CACNA2D3: variants seen among roughly 807,000 people sequenced by gnomAD.
The protein encoded by CACNA2D3 is calcium voltage-gated channel auxiliary subunit alpha2delta 3.
CACNA2D3 carries 60 observed loss-of-function variants against 160.6 expected under a neutral mutation model. That is an observed-to-expected ratio of 0.37 (90% CI 0.30 to 0.46). The LOEUF is 0.46. Ranked by LOEUF, CACNA2D3 falls within the 20% of genes least tolerant of loss-of-function variation. CACNA2D3 has a pLI of 1.00. For missense variants in CACNA2D3, 1,205 were observed against 1,365.0 expected (o/e 0.88, Z 1.85); for synonymous variants, 558 against 492.9 (o/e 1.13, Z -1.75).
In CACNA2D3 at chr3:54,511,588, G is replaced by C. The variant is rs144617995; in HGVS notation, c.544+7934G>C. On this transcript the variant is annotated intron_variant, in intron 5 of 37. Transcript: ENST00000474759. The stretch of plus-strand genomic sequence containing the variant: ...AGTAATTACTTTCAGGATCTAATTT[G>C]TTTGTATTTTTAATCTCTTTTTTCA... Among the ~76,000 whole-genome samples the C allele has an allele frequency of 7.6e-3, 1,152 of 152,236 alleles. 11 individuals are homozygous for C. Among genetic ancestry groups the C allele is most frequent in the African/African-American group, 0.025 (1,047 of 41,540 alleles).
intron 11 of CACNA2D3, among the ~76,000 whole-genome samples, chr3:54,655,374 C>G (rs1253364811): frequency 6.6e-6 from 1 of 152,224 alleles, no homozygotes; most frequent in Admixed American, 6.5e-5. Context: ...GCTGGGCACA[C>G]AGCAGGCACA....
At chr3:54,823,420 A>C (rs962043474) in intron 14 of CACNA2D3, among the ~76,000 whole-genome samples, 1 of 152,178 alleles carries the variant, frequency 6.6e-6, no homozygotes, top group Admixed American at 6.5e-5. Flanking sequence ...TTTATGCATG[A>C]AAATTGATAA....
At chr3:54,153,368 T>C (rs913979288) in intron 2 of CACNA2D3, among the ~76,000 whole-genome samples, 1 of 152,250 alleles carries the variant, frequency 6.6e-6, no homozygotes, top group Admixed American at 6.5e-5. Flanking sequence ...CTCATATTTA[T>C]TTTGCAGCAA....
chr3:54,432,689 T>C (rs1458439368), intron 4 of CACNA2D3, among the ~76,000 whole-genome samples: 1 of 152,178 alleles, frequency 6.6e-6, no homozygotes, highest in African/African-American at 2.4e-5. Flanking sequence ...CATATGCATA[T>C]TGCTGCTGCT....
rs776894032 is a variant in CACNA2D3, at chr3:54,717,583, CGT to C, written c.1168-35008_1168-35007del. ...TGTGTGTGTGTGGTGTGTATGTGTG[CGT>C]GTGTGTGCATACATTCGTGTGTGTG... On this transcript the variant is annotated intron_variant, in intron 11 of 37. Transcript: ENST00000474759. Among the ~76,000 whole-genome samples, 5 of 107,250 alleles carry C rather than the reference CGT, an allele frequency of 4.7e-5. No individual in the cohort carries two copies. The East Asian group carries it at 9.2e-4, about 20-fold the overall frequency. The allele number at this position is 107,250 out of a possible 152,430, so 70.4% of individuals were successfully genotyped here.
At chr3:54,553,353 A>G (rs1443505566) in intron 5 of CACNA2D3, among the ~76,000 whole-genome samples, 3 of 152,214 alleles carry the variant, frequency 2.0e-5, no homozygotes, top group Non-Finnish European at 2.9e-5. Context: ...CTATCCAACC[A>G]TTCTCGTCTT....
chr3:54,367,372 C>T (rs554590566), intron 3 of CACNA2D3, among the ~76,000 whole-genome samples: 3 of 152,300 alleles, frequency 2.0e-5, no homozygotes, highest in Non-Finnish European at 4.4e-5. Flanking sequence ...TGGCCATCGG[C>T]ACTTAAATGT....
At chr3:54,686,875 T>C (rs200422560) in intron 11 of CACNA2D3, among the ~76,000 whole-genome samples, 1 of 152,288 alleles carries the variant, frequency 6.6e-6, no homozygotes, top group East Asian at 1.9e-4. Flanking sequence ...ATGCCTGATC[T>C]ATCAGGTGTA....
At chr3:54,933,617 T>A (rs1701260190) in intron 27 of CACNA2D3, among the ~76,000 whole-genome samples, 1 of 152,316 alleles carries the variant, frequency 6.6e-6, no homozygotes, top group East Asian at 1.9e-4. Context: ...GCCTCCACAT[T>A]TTATTGCATT....
At chr3:54,752,570 G>C (rs371981321) in intron 11 of CACNA2D3, 29 bp from the exon 12 acceptor site, 49 of 1,570,158 alleles carry the variant, frequency 3.1e-5, no homozygotes, top group Non-Finnish European at 4.2e-5. Flanking sequence ...AGTGAATGCC[G>C]CTCAGCCATG....
At chr3:54,169,662 C>T (rs1449337) in intron 2 of CACNA2D3, among the ~76,000 whole-genome samples, 7,363 of 142,056 alleles carry the variant, frequency 0.052, 207 homozygotes, top group South Asian at 0.15. Flanking sequence ...CATGTGTGTG[C>T]GTGCGTGCTT....
chr3:54,542,209 G>A (rs970806771), intron 5 of CACNA2D3, among the ~76,000 whole-genome samples: 3 of 151,832 alleles, frequency 2.0e-5, no homozygotes, highest in South Asian at 2.1e-4. Flanking sequence ...TTACAGGCAC[G>A]TACCACCACG....
chr3:54,563,042 T>C, intron 6 of CACNA2D3, 111 bp downstream of exon 6: 1 of 1,053,164 alleles, frequency 9.5e-7, no homozygotes, highest in Non-Finnish European at 1.3e-6. Flanking sequence ...TAGAAGAAAA[T>C]GAAAGATGAA....
At chr3:54,175,157 T>A (rs978447000) in intron 2 of CACNA2D3, among the ~76,000 whole-genome samples, 5 of 152,200 alleles carry the variant, frequency 3.3e-5, no homozygotes, top group African/African-American at 4.8e-5. Flanking sequence ...ACAGACTGTG[T>A]CACACACATT....
At chr3:54,659,550 C>A (rs577703701) in intron 11 of CACNA2D3, among the ~76,000 whole-genome samples, 150 of 152,296 alleles carry the variant, frequency 9.8e-4, no homozygotes, top group Non-Finnish European at 1.7e-3. Context: ...CTGCCTACGG[C>A]TTCCCTGTTG....
At chr3:54,304,181 A>G (rs955685009) in intron 2 of CACNA2D3, among the ~76,000 whole-genome samples, 2 of 152,146 alleles carry the variant, frequency 1.3e-5, no homozygotes, top group Non-Finnish European at 2.9e-5. Context: ...GAAAGCCAAG[A>G]TTGTCTGCAG....
chr3:54,239,288 G>T (rs192290518), intron 2 of CACNA2D3, among the ~76,000 whole-genome samples: 9 of 152,304 alleles, frequency 5.9e-5, no homozygotes, highest in Admixed American at 2.0e-4. Flanking sequence ...TGCAGTTATT[G>T]TACTGGTTAA....
chr3:54,188,611 G>A (rs1320257555), intron 2 of CACNA2D3, among the ~76,000 whole-genome samples: 1 of 152,144 alleles, frequency 6.6e-6, no homozygotes, highest in African/African-American at 2.4e-5. Context: ...CCTGCTGTTG[G>A]AGCAAATGGG....
intron 13 of CACNA2D3, among the ~76,000 whole-genome samples, chr3:54,813,989 C>T (rs1703393804): frequency 6.6e-6 from 1 of 151,662 alleles, no homozygotes; most frequent in African/African-American, 2.4e-5. Context: ...CCTCAGCCTC[C>T]CGAGTAGCTG....
Sources: gnomAD v4.1 joint callset for allele counts (sites outside exome capture counted in the v4.1 genomes callset) on GRCh38, gnomAD v4.1.1 for gene constraint, MANE v1.5 for transcripts, NCBI Gene and HGNC (gene_info 2026-07-23, HGNC 2026-07-21) for gene names.